The following AVEN variants were observed in gnomAD, a reference collection of about 807,000 sequenced individuals.
AVEN encodes cell death regulator Aven.
A neutral mutation model predicts 38.1 loss-of-function variants in AVEN; 41 were observed. The observed-to-expected ratio is 1.08, with a 90% CI of 0.84 to 1.40. The LOEUF (loss-of-function observed/expected upper bound fraction) is 1.40. Among genes scored for constraint, AVEN ranks in the 40% most tolerant of loss-of-function variants. The pLI is 0.00. For missense variants in AVEN, 605 were observed against 438.8 expected (o/e 1.38, Z -3.38); for synonymous variants, 206 against 171.8 (o/e 1.20, Z -1.56).
intron 1 of AVEN, among the ~76,000 whole-genome samples, chr15:34,019,712 T>C (rs957136504): frequency 6.6e-6 from 1 of 152,216 alleles, no homozygotes; most frequent in African/African-American, 2.4e-5. Context: ...TCCAGTACCG[T>C]AACATGCTGT....
At position 33,867,867 on chromosome 15, in the gene AVEN, G is replaced by C. The variant is rs765353935; in HGVS notation, c.613-12C>G. ...AAAGGAACTGTACCCTGAAAGAGAA[G>C]TATAAAAACTGAGTTAAAAATGTGA... On this transcript the variant is annotated splice_polypyrimidine_tract_variant and intron_variant, in intron 4 of 5. Transcript: ENST00000306730. The C allele has an allele frequency of 1.3e-6, 2 of 1,544,984 alleles. No homozygotes were observed. The highest frequency in any genetic ancestry group is 8.7e-7 in the Non-Finnish European group (1 of 1,150,824).
intron 2 of AVEN, among the ~76,000 whole-genome samples, chr15:33,962,045 A>C (rs1895210882): frequency 6.6e-6 from 1 of 152,102 alleles, no homozygotes; most frequent in Non-Finnish European, 1.5e-5. Flanking sequence ...CCACACAGAA[A>C]GATTGATTCA....
chr15:34,000,023 C>T (rs644585), intron 2 of AVEN, among the ~76,000 whole-genome samples: 75,303 of 151,998 alleles, frequency 0.5, 21,159 homozygotes, highest in Non-Finnish European at 0.63. Context: ...GCCTTCCTTG[C>T]GATTCCCTAT....
At chr15:34,062,788 G>A (rs1389722827) in intron 5 of AVEN, 13 of 1,614,056 alleles carry the variant, frequency 8.1e-6, no homozygotes, top group East Asian at 6.7e-5. Context: ...CCTTTGGAAC[G>A]CCACAGGTTG....
At chr15:33,859,742 CAATTG>C in intron 11 of AVEN, 2 of 1,600,712 alleles carry the variant, frequency 1.2e-6, no homozygotes, top group Non-Finnish European at 1.7e-6. Flanking sequence ...GTATGATTGC[CAATTG>C]TGTTGAGTAT....
chr15:33,886,196 A>C (rs912600250), intron 2 of AVEN, among the ~76,000 whole-genome samples: 2 of 152,190 alleles, frequency 1.3e-5, no homozygotes, highest in African/African-American at 4.8e-5. Flanking sequence ...CTTGAATTGT[A>C]GTTCCCATAA....
chr15:33,981,895 C>T (rs889037486), intron 2 of AVEN, among the ~76,000 whole-genome samples: 21 of 152,218 alleles, frequency 1.4e-4, no homozygotes, highest in African/African-American at 4.8e-4. Flanking sequence ...AGTGCAGTGG[C>T]GCGATCTTGG....
chr15:33,852,253 C>A, the AVEN span: 3 of 152,164 alleles, frequency 2.0e-5, no homozygotes, highest in Non-Finnish European at 4.4e-5. Context: ...GGAACCCCCC[C>A]ACAGGAAGGA....
intron 3 of AVEN, among the ~76,000 whole-genome samples, chr15:33,875,197 C>T (rs528932214): frequency 2.8e-4 from 42 of 152,304 alleles, no homozygotes; most frequent in African/African-American, 9.9e-4. Flanking sequence ...GGGTCTGCAG[C>T]TTCAGCCACC....
At chr15:33,899,459 C>CTTTT (rs1567403765) in intron 2 of AVEN, among the ~76,000 whole-genome samples, 1 of 83,260 alleles carries the variant, frequency 1.2e-5, no homozygotes, top group East Asian at 4.3e-4. Flanking sequence ...TCAGGGAAAA[C>CTTTT]CTTTTTTTTT....
At chr15:33,889,607 C>T (rs1478147797) in intron 2 of AVEN, among the ~76,000 whole-genome samples, 1 of 151,924 alleles carries the variant, frequency 6.6e-6, no homozygotes. Context: ...AAAAAAAATA[C>T]GCATCCAACT....
At chr15:34,022,549 G>A (rs1898248298) in intron 1 of AVEN, among the ~76,000 whole-genome samples, 1 of 152,196 alleles carries the variant, frequency 6.6e-6, no homozygotes, top group African/African-American at 2.4e-5. Context: ...TACGCAGCAG[G>A]AAGGGTACAC....
chr15:33,898,357 G>A (rs117205888), intron 2 of AVEN, among the ~76,000 whole-genome samples: 2,501 of 152,276 alleles, frequency 0.016, 28 homozygotes, highest in Middle Eastern at 0.037. Flanking sequence ...GGACCACAAA[G>A]TGAGTGGCTT....
At chr15:33,907,787 C>T (rs1354607962) in intron 2 of AVEN, among the ~76,000 whole-genome samples, 1 of 130,688 alleles carries the variant, frequency 7.7e-6, no homozygotes. Context: ...ATTCCCAGCA[C>T]TAAAAAAAAA....
intron 2 of AVEN, among the ~76,000 whole-genome samples, chr15:33,892,769 G>A (rs2153040922): frequency 6.6e-6 from 1 of 152,106 alleles, no homozygotes; most frequent in Admixed American, 6.5e-5. Context: ...GAAAGTCATT[G>A]GTAGCTTGAT....
At chr15:33,870,544 T>G (rs182245197) in intron 4 of AVEN, among the ~76,000 whole-genome samples, 1 of 152,226 alleles carries the variant, frequency 6.6e-6, no homozygotes, top group South Asian at 2.1e-4. Flanking sequence ...TATATGTTTG[T>G]GTGACTATTT....
chr15:33,969,001 T>G (rs1309114481), intron 2 of AVEN: 1 of 152,062 alleles, frequency 6.6e-6, no homozygotes, highest in African/African-American at 2.4e-5. Flanking sequence ...GCTACAGGAT[T>G]ATCAGGAATA....
Position 34,033,874 on chromosome 15 carries a change from G to A in AVEN, c.267+4906C>T, listed in dbSNP as rs572119445. ...GCAATTTCGGCTCACTGCAACCTCCGCCTCCCAAGTTTAAGCGATTCTCCC... is the reference window on the plus strand; with the variant it reads ...GCAATTTCGGCTCACTGCAACCTCCACCTCCCAAGTTTAAGCGATTCTCCC... On this transcript the variant is annotated intron_variant, in intron 1 of 5. Transcript: ENST00000306730. Among the ~76,000 whole-genome samples the A allele has an allele frequency of 1.1e-3, 174 of 152,110 alleles. 8 individuals carry two copies. The South Asian group carries it at 0.03, about 27-fold the overall frequency.
intron 11 of AVEN, chr15:33,860,536 C>G: frequency 1.0e-6 from 1 of 983,220 alleles, no homozygotes. Flanking sequence ...CTTCCTTTAT[C>G]ATTCCTCTAC....
Sources: gnomAD v4.1 joint callset for allele counts (sites outside exome capture counted in the v4.1 genomes callset) on GRCh38, gnomAD v4.1.1 for gene constraint, MANE v1.5 for transcripts, NCBI Gene and HGNC (gene_info 2026-07-23, HGNC 2026-07-21) for gene names.